MGAM: variants seen among roughly 807,000 people sequenced by gnomAD.
The protein encoded by MGAM is maltase-glucoamylase.
In MGAM, 253 loss-of-function variants were observed where a neutral mutation model predicts 358.8. The observed-to-expected ratio is 0.71, with a 90% CI of 0.64 to 0.78. The LOEUF is 0.78. Ranked by LOEUF, MGAM falls within the 30% of genes least tolerant of loss-of-function variation. MGAM has a pLI of 0.00. For synonymous variants in MGAM, 1,105 were observed against 1,227.1 expected (o/e 0.90, Z 2.08); for missense variants, 3,080 against 3,432.6 (o/e 0.90, Z 2.57).
In MGAM at chr7:142,070,883, G is replaced by C. The variant is rs750803477; in HGVS notation, c.5062-111G>C. The C allele has an allele frequency of 4.4e-5, 60 of 1,374,166 alleles. 6 individuals carry two copies. Among genetic ancestry groups the C allele is most frequent in the Non-Finnish European group, 1.8e-5 (18 of 984,850 alleles). 85.1% of individuals were successfully genotyped at this position (1,374,166 alleles called of 1,614,324 possible). A position where few individuals can be genotyped will look rare whatever the true frequency, so the allele number is the denominator to read the frequency against. On this transcript the variant is annotated intron_variant, in intron 43 of 70. Coordinates refer to ENST00000475668, the MANE Select transcript of MGAM (RefSeq NM_001365693.1). ...GGTAATAGCAGGTATGTTGCAAAGG[G>C]TGATGAACAGGCATAAGTTCAGAGG...
chr7:142,099,827 A>T, intron 67 of MGAM, 90 bp downstream of exon 67: 6 of 1,520,836 alleles, frequency 3.9e-6, no homozygotes, highest in Non-Finnish European at 4.4e-6. Flanking sequence ...TCACTCTCAA[A>T]CCCACATGCA....
At chr7:142,033,649 C>A (rs886574804) in intron 14 of MGAM, among the ~76,000 whole-genome samples, 1 of 152,074 alleles carries the variant, frequency 6.6e-6, no homozygotes, top group Non-Finnish European at 1.5e-5. Flanking sequence ...GTGTTAGAAG[C>A]TACTTATCTT....
chr7:142,004,823 C>T (rs1341536237), intron 1 of MGAM, among the ~76,000 whole-genome samples: 1 of 151,946 alleles, frequency 6.6e-6, no homozygotes, highest in Non-Finnish European at 1.5e-5. Context: ...CCAAGGTAGT[C>T]TAGCTGGTTA....
chr7:142,028,213 A>G (rs1290290109), intron 10 of MGAM, among the ~76,000 whole-genome samples: 7 of 152,086 alleles, frequency 4.6e-5, no homozygotes, highest in African/African-American at 1.7e-4. Context: ...GTTGTATCAT[A>G]TTTTCAGAAA....
chr7:141,998,707 C>T (rs1250630582), intron 1 of MGAM, among the ~76,000 whole-genome samples: 4 of 152,158 alleles, frequency 2.6e-5, no homozygotes, highest in African/African-American at 7.2e-5. Flanking sequence ...AATAGTGCTG[C>T]AGTAAACATA....
chr7:142,065,958 GT>G lies in MGAM; in HGVS notation c.4770+131del, dbSNP rs1477940566. The G allele has an allele frequency of 1.5e-5, 11 of 742,336 alleles. 1 individual carries two copies. In the East Asian group the frequency reaches 3.4e-4, roughly 23 times the overall value. 46.0% of individuals were successfully genotyped at this position (742,336 alleles called of 1,614,324 possible). A position where few individuals can be genotyped will look rare whatever the true frequency, so the allele number is the denominator to read the frequency against. On this transcript the variant is annotated intron_variant, in intron 40 of 70. Transcript: ENST00000475668. ...AAAAAAAGGTGTTTTTTTTTGTTTT[GT>G]TTTGTTTTGTTTTTTTTTTTGAAAC...
In MGAM at chr7:142,089,126, G is replaced by C. The variant is rs1366814255; in HGVS notation, c.6810+2409G>C. On this transcript the variant is annotated intron_variant, in intron 57 of 70. Transcript: ENST00000475668. Reference sequence around the variant, plus strand: ...CTTAGTGGTCCAAGCAGCCCACATGGACACAGGAACCTGCCCAGCCAGAGA... The same window carrying C: ...CTTAGTGGTCCAAGCAGCCCACATGCACACAGGAACCTGCCCAGCCAGAGA... Among the ~76,000 whole-genome samples the C allele has an allele frequency of 4.1e-5, 6 of 145,762 alleles. 1 individual carries two copies. The highest frequency in any genetic ancestry group is 7.8e-5 in the Non-Finnish European group (5 of 64,508).
At chr7:142,076,540 G>A in intron 46 of MGAM, 119 bp from the exon 47 acceptor site, 2 of 988,772 alleles carry the variant, frequency 2.0e-6, no homozygotes, top group South Asian at 2.8e-5. Flanking sequence ...AGTAGAGAAA[G>A]CAGAGAGGCA....
chr7:142,069,329 C>T (rs1209335092), intron 43 of MGAM, among the ~76,000 whole-genome samples: 1 of 145,682 alleles, frequency 6.9e-6, no homozygotes, highest in African/African-American at 2.4e-5. Context: ...AGTATGATTC[C>T]CAAAGACTCA....
At chr7:142,033,526 A>G (rs1367470811) in intron 14 of MGAM, among the ~76,000 whole-genome samples, 1 of 152,172 alleles carries the variant, frequency 6.6e-6, no homozygotes, top group Non-Finnish European at 1.5e-5. Context: ...AGATGATAAT[A>G]ACTTATGAAG....
rs189106545 is a variant in MGAM at position 141,988,204 on chromosome 7, G to A, written c.-2-17325G>A. ...TCAGGAGGCTGAGGTGGAAGAATTGGTTGAACCCAGGAGGAGGAGGTTGCA... is the reference window on the plus strand; with the variant it reads ...TCAGGAGGCTGAGGTGGAAGAATTGATTGAACCCAGGAGGAGGAGGTTGCA... On this transcript the variant is annotated intron_variant, in intron 2 of 5. Coordinates refer to the MGAM transcript ENST00000465654. Among the ~76,000 whole-genome samples the A allele has an allele frequency of 3.9e-4, 59 of 152,044 alleles. 1 individual carries two copies. Among genetic ancestry groups the A allele is most frequent in the South Asian group, 2.5e-3 (12 of 4,820 alleles).
chr7:142,067,986 A>ATATATTT (rs1236775159), intron 42 of MGAM, among the ~76,000 whole-genome samples: 3 of 8,694 alleles, frequency 3.5e-4, no homozygotes, highest in African/African-American at 5.3e-4. Context: ...ATATATATAT[A>ATATATTT]TTTTTTTTTT....
chr7:142,024,823 A>AT (rs1439518203), intron 7 of MGAM, among the ~76,000 whole-genome samples: 1 of 152,198 alleles, frequency 6.6e-6, no homozygotes, highest in Non-Finnish European at 1.5e-5. Flanking sequence ...CAGCCTTCAC[A>AT]TTCCTTCTAG....
In MGAM at chr7:142,040,743, A is replaced by G. The variant is rs780332451; in HGVS notation, c.2395A>G (p.Lys799Glu). The change falls in exon 21 of 71, where the codon AAG becomes GAG. Residue 799 changes from lysine (K) to glutamate (E), a missense_variant. By Grantham distance (56) the Lys-to-Glu change is moderately conservative. Coordinates refer to ENST00000475668, the MANE Select transcript of MGAM (RefSeq NM_001365693.1). ...TCAGGGGAGCCAAGTGAGATGGAGG[A>G]AGCAAAAAGTCGAGATGGAACTTCC... ...YETGSQVRWR[K>E]QKVEMELPGD... The G allele has an allele frequency of 1.2e-6, 2 of 1,613,176 alleles. No homozygotes were observed. Among genetic ancestry groups the G allele is most frequent in the South Asian group, 2.2e-5 (2 of 90,998 alleles).
At chr7:142,041,049 G>C (rs1808481327) in intron 21 of MGAM, among the ~76,000 whole-genome samples, 1 of 151,992 alleles carries the variant, frequency 6.6e-6, no homozygotes. Flanking sequence ...TGTCTGCCTT[G>C]GCCACACTGC....
intron 10 of MGAM, 98 bp from the exon 11 acceptor site, chr7:142,030,264 A>G (rs1563129721): frequency 1.6e-6 from 2 of 1,269,400 alleles, no homozygotes; most frequent in Non-Finnish European, 2.2e-6. Context: ...AGAGCCCAGA[A>G]CAGAGTTGTT....
At chr7:142,048,894 A>G (rs573402347) in intron 22 of MGAM, among the ~76,000 whole-genome samples, 3 of 152,206 alleles carry the variant, frequency 2.0e-5, no homozygotes, top group Admixed American at 6.5e-5. Flanking sequence ...TAGGCATAGT[A>G]TAATGATTAC....
chr7:142,060,177 C>T, intron 33 of MGAM, 134 bp from the exon 34 acceptor site: 1 of 1,370,710 alleles, frequency 7.3e-7, no homozygotes, highest in Non-Finnish European at 1.0e-6. Flanking sequence ...GTTCACTTTT[C>T]TTTTATGTCA....
intron 21 of MGAM, among the ~76,000 whole-genome samples, chr7:142,042,086 A>AT (rs1323854684): frequency 1.3e-5 from 1 of 76,866 alleles, no homozygotes; most frequent in South Asian, 3.5e-4. Context: ...TACAATATAT[A>AT]ACATATAATA....
Sources: gnomAD v4.1 joint callset for allele counts (sites outside exome capture counted in the v4.1 genomes callset) on GRCh38, gnomAD v4.1.1 for gene constraint, MANE v1.5 for transcripts, NCBI Gene and HGNC (gene_info 2026-07-23, HGNC 2026-07-21) for gene names.